The following LIMCH1 variants were observed in gnomAD, a reference collection of about 807,000 sequenced individuals.
The protein encoded by LIMCH1 is LIM and calponin homology domains 1, also known as LIM and calponin homology domains-containing protein 1.
A neutral mutation model predicts 176.5 loss-of-function variants in LIMCH1; 113 were observed. The ratio of observed to expected loss-of-function variants is 0.64; its 90% CI spans 0.55 to 0.75. LIMCH1 has a LOEUF of 0.75. Ranked by LOEUF, LIMCH1 falls within the 30% of genes least tolerant of loss-of-function variation. The pLI is 0.00. For synonymous variants in LIMCH1, 619 were observed against 645.9 expected, an observed-to-expected ratio of 0.96 and a Z score of 0.63; for missense variants, 1,674 against 1,814.9, an observed-to-expected ratio of 0.92 and a Z score of 1.41.
chr4:41,448,814 A>G (rs1269902011), intron 1 of LIMCH1, among the ~76,000 whole-genome samples: 1 of 152,152 alleles, frequency 6.6e-6, no homozygotes, highest in African/African-American at 2.4e-5. Context: ...GTAGGCTGAT[A>G]CGGTGGTCTC....
chr4:41,633,443 G>T (rs901201372), intron 12 of LIMCH1, 105 bp from the exon 13 acceptor site: 2 of 1,367,986 alleles, frequency 1.5e-6, no homozygotes, highest in South Asian at 1.4e-5. Context: ...CTGCCTCCAG[G>T]GATGCTGGCT....
chr4:41,568,219 G>A (rs899904414), intron 1 of LIMCH1, among the ~76,000 whole-genome samples: 2 of 152,118 alleles, frequency 1.3e-5, no homozygotes, highest in Admixed American at 6.5e-5. Flanking sequence ...AGGAATAAAT[G>A]GTCAATAGGA....
chr4:41,371,655 T>C (rs1410362020), intron 1 of LIMCH1, among the ~76,000 whole-genome samples: 1 of 152,174 alleles, frequency 6.6e-6, no homozygotes, highest in Non-Finnish European at 1.5e-5. Context: ...CCGTCCCAGT[T>C]TGAAGTTCTC....
At chr4:41,490,725 C>T (rs1482705896) in intron 1 of LIMCH1, among the ~76,000 whole-genome samples, 1 of 152,230 alleles carries the variant, frequency 6.6e-6, no homozygotes, top group East Asian at 1.9e-4. Flanking sequence ...CTTTTCCCCA[C>T]ATTTCCCCCT....
intron 1 of LIMCH1, among the ~76,000 whole-genome samples, chr4:41,485,342 G>C (rs576074784): frequency 6.6e-6 from 1 of 152,174 alleles, no homozygotes; most frequent in Non-Finnish European, 1.5e-5. Flanking sequence ...TAAAGCAGAT[G>C]AACACTTTTC....
chr4:41,419,626 CCTTCCTTCCTCCTTCCTTT>C (rs1185437371), intron 1 of LIMCH1, among the ~76,000 whole-genome samples: 15 of 102,412 alleles, frequency 1.5e-4, no homozygotes, highest in South Asian at 8.0e-4. Context: ...TTCCTTCCTT[CCTTCCTTCCTCCTTCCTTT>C]CTTCCTCCTT....
chr4:41,422,535 A>AT (rs2060699834), intron 1 of LIMCH1, among the ~76,000 whole-genome samples: 1 of 152,042 alleles, frequency 6.6e-6, no homozygotes, highest in African/African-American at 2.4e-5. Flanking sequence ...GTTAATATTA[A>AT]TTTTTTTAAA....
At chr4:41,464,422 G>A (rs1173417198) in intron 1 of LIMCH1, among the ~76,000 whole-genome samples, 1 of 146,022 alleles carries the variant, frequency 6.8e-6, no homozygotes, top group Non-Finnish European at 1.5e-5. Context: ...AGGCTGGAGT[G>A]CATTGATGTG....
At chr4:41,582,531 T>C (rs1051583424) in intron 1 of LIMCH1, among the ~76,000 whole-genome samples, 1 of 152,164 alleles carries the variant, frequency 6.6e-6, no homozygotes, top group Non-Finnish European at 1.5e-5. Context: ...TGGTAAGGGG[T>C]AGGGGTTCTG....
intron 2 of LIMCH1, among the ~76,000 whole-genome samples, chr4:41,504,595 A>G (rs2073897335): frequency 6.6e-6 from 1 of 152,142 alleles, no homozygotes; most frequent in African/African-American, 2.4e-5. Context: ...GTATGCAGAT[A>G]CTCTTCATGG....
At chr4:41,589,374 G>A (rs2087070817) in intron 1 of LIMCH1, among the ~76,000 whole-genome samples, 1 of 152,176 alleles carries the variant, frequency 6.6e-6, no homozygotes, top group Admixed American at 6.5e-5. Context: ...AGCCGCATCG[G>A]GGGTGGTGGG....
At chr4:41,596,900 G>T (rs1424678217) in intron 1 of LIMCH1, among the ~76,000 whole-genome samples, 1 of 152,124 alleles carries the variant, frequency 6.6e-6, no homozygotes, top group South Asian at 2.1e-4. Context: ...TACCCAGAAA[G>T]AAAACATCCT....
rs561315964 is a variant in LIMCH1, at chr4:41,400,620, A to G, written c.96+39684A>G. ...TAGTACACCACCAGTAGTTAAAATGATTATTATGCGGTAATGCCAAGGGCT... is the reference window on the plus strand; with the variant it reads ...TAGTACACCACCAGTAGTTAAAATGGTTATTATGCGGTAATGCCAAGGGCT... On this transcript the variant is annotated intron_variant, in intron 1 of 26. Transcript: ENST00000313860. Among the ~76,000 whole-genome samples the G allele has an allele frequency of 5.9e-5, 9 of 152,310 alleles. No individual in the cohort carries two copies. In the East Asian group the frequency reaches 1.5e-3, roughly 26 times the overall value.
chr4:41,514,437 A>G (rs890916049), intron 2 of LIMCH1, among the ~76,000 whole-genome samples: 1 of 152,192 alleles, frequency 6.6e-6, no homozygotes, highest in South Asian at 2.1e-4. Flanking sequence ...CCTGTGGGAA[A>G]GGCAGTTCAG....
chr4:41,582,396 C>T (rs1290261581), intron 1 of LIMCH1, among the ~76,000 whole-genome samples: 1 of 152,176 alleles, frequency 6.6e-6, no homozygotes, highest in Non-Finnish European at 1.5e-5. Flanking sequence ...CTTTTATTAG[C>T]CCATGTAAAC....
intron 13 of LIMCH1, among the ~76,000 whole-genome samples, chr4:41,636,360 T>TTG (rs1491056135): frequency 1.4e-5 from 2 of 144,516 alleles, no homozygotes; most frequent in Admixed American, 6.8e-5. Flanking sequence ...TTTTTTTTTT[T>TTG]GCTAACTTGC....
chr4:41,362,522 G>A (rs1207931525), intron 1 of LIMCH1, among the ~76,000 whole-genome samples: 1 of 152,146 alleles, frequency 6.6e-6, no homozygotes, highest in East Asian at 1.9e-4. Context: ...GAGTGTGGGT[G>A]GGGGTAAGGG....
intron 1 of LIMCH1, among the ~76,000 whole-genome samples, chr4:41,394,264 A>G (rs1313704475): frequency 6.6e-6 from 1 of 152,294 alleles, no homozygotes; most frequent in African/African-American, 2.4e-5. Flanking sequence ...AACACTTTCC[A>G]TAGGACCCTG....
At chr4:41,590,656 T>A (rs1211263515) in intron 1 of LIMCH1, among the ~76,000 whole-genome samples, 4 of 152,164 alleles carry the variant, frequency 2.6e-5, no homozygotes, top group African/African-American at 4.8e-5. Context: ...TTCCCATCCA[T>A]AAAATGTTTT....
Sources: allele counts gnomAD v4.1 joint callset (sites outside exome capture counted in the v4.1 genomes callset), GRCh38; gene constraint gnomAD v4.1.1; transcripts MANE v1.5; gene names NCBI Gene and HGNC (gene_info 2026-07-23, HGNC 2026-07-21).